The following KLF7 variants were observed in gnomAD, a reference collection of about 807,000 sequenced individuals.
The protein encoded by KLF7 is Krueppel-like factor 7.
Under a neutral mutation model 27.3 loss-of-function variants are expected in KLF7, and 2 were observed. That is an observed-to-expected ratio of 0.07 (90% CI 0.03 to 0.23). The LOEUF (loss-of-function observed/expected upper bound fraction) is 0.23, where lower values mean the gene tolerates loss of function less well. Ranked by LOEUF, KLF7 falls within the 10% of genes least tolerant of loss-of-function variation. KLF7 has a pLI of 1.00. For missense variants in KLF7, 221 were observed against 394.1 expected, an observed-to-expected ratio of 0.56 and a Z score of 3.72; for synonymous variants, 165 against 162.4, an observed-to-expected ratio of 1.02 and a Z score of -0.12.
chr2:207,162,150 T>G (rs2078567975), intron 1 of KLF7, among the ~76,000 whole-genome samples: 1 of 152,196 alleles, frequency 6.6e-6, no homozygotes, highest in African/African-American at 2.4e-5. Flanking sequence ...TCTTTTTATT[T>G]TCCAAGTCAG....
Position 207,074,729 on chromosome 2 carries a change from C to G in KLF7, c.*6484G>C, listed in dbSNP as rs1288274948. The G allele has an allele frequency of 6.6e-6, 1 of 152,226 alleles. No homozygotes were observed. Among genetic ancestry groups the G allele is most frequent in the African/African-American group, 2.4e-5 (1 of 41,430 alleles). 9.4% of individuals were successfully genotyped at this position (152,226 alleles called of 1,614,324 possible). A position where few individuals can be genotyped will look rare whatever the true frequency, so the allele number is the denominator to read the frequency against. On this transcript the variant is annotated 3_prime_UTR_variant, in exon 4 of 4. Transcript: ENST00000309446. ...ATCCCAGAACAAACTGCCTCCTTCT[C>G]TCGCCAAATAAACCGCTTTCAATAA...
In KLF7 at chr2:207,077,366, G is replaced by T. The variant is rs746738145; in HGVS notation, c.*3847C>A. On this transcript the variant is annotated 3_prime_UTR_variant, in exon 4 of 4. Transcript: ENST00000309446. ...TTATAAAATCTTCTCTGAAGCCAGA[G>T]AAGATTTTTTAAAACTAGGATTCAG... The T allele has an allele frequency of 1.2e-4, 18 of 152,136 alleles. No individual in the cohort carries two copies. The highest frequency in any genetic ancestry group is 2.4e-4 in the Non-Finnish European group (16 of 68,020). The allele number at this position is 152,136 out of a possible 1,614,324, so 9.4% of individuals were successfully genotyped here.
At chr2:207,128,306 AT>A (rs374643749) in intron 1 of KLF7, among the ~76,000 whole-genome samples, 4 of 152,330 alleles carry the variant, frequency 2.6e-5, no homozygotes, top group South Asian at 2.1e-4. Flanking sequence ...CCATACTGAT[AT>A]AAATAAATGA....
At chr2:207,133,014 T>C (rs1216663492) in intron 1 of KLF7, among the ~76,000 whole-genome samples, 1 of 152,226 alleles carries the variant, frequency 6.6e-6, no homozygotes, top group Non-Finnish European at 1.5e-5. Flanking sequence ...AGAGAGCCCT[T>C]AAGAAGAATT....
intron 2 of KLF7, among the ~76,000 whole-genome samples, chr2:207,109,484 A>T (rs549271061): frequency 1.3e-5 from 2 of 152,344 alleles, no homozygotes; most frequent in Non-Finnish European, 2.9e-5. Context: ...TGATTCTTTC[A>T]GCCTCAGTTC....
chr2:207,091,421 G>A (rs1464534156), intron 2 of KLF7, among the ~76,000 whole-genome samples: 1 of 152,114 alleles, frequency 6.6e-6, no homozygotes, highest in East Asian at 1.9e-4. Flanking sequence ...ACCTGACATT[G>A]TTTCCTGCTT....
chr2:207,107,032 A>T (rs186527629), intron 2 of KLF7, among the ~76,000 whole-genome samples: 61 of 152,212 alleles, frequency 4.0e-4, no homozygotes, highest in Admixed American at 4.0e-3. Context: ...ATCACCACCT[A>T]CCTTGTAAGG....
Position 207,102,125 on chromosome 2 carries a change from T to TACACACAC in KLF7, c.734-13545_734-13544insGTGTGTGT, listed in dbSNP as rs1553522202. Reference sequence around the variant, plus strand: ...ACCACCCGTGAAAGCTACATTCACATTCACACACACACACACACACACACA... The same window carrying TACACACAC: ...ACCACCCGTGAAAGCTACATTCACATACACACACTCACACACACACACACACACACACA... On this transcript the variant is annotated intron_variant, in intron 2 of 3. Coordinates refer to ENST00000309446, the MANE Select transcript of KLF7 (RefSeq NM_003709.4). Among the ~76,000 whole-genome samples the TACACACAC allele has an allele frequency of 7.2e-3, 871 of 121,300 alleles. 6 individuals carry two copies. Among genetic ancestry groups the TACACACAC allele is most frequent in the Middle Eastern group, 0.039 (8 of 204 alleles). The allele number at this position is 121,300 out of a possible 152,430, so 79.6% of individuals were successfully genotyped here.
In KLF7 at chr2:207,080,935, C is replaced by T. The variant is rs898412303; in HGVS notation, c.*278G>A. The T allele has an allele frequency of 2.5e-5, 11 of 436,630 alleles. No individual in the cohort carries two copies. The Admixed American group carries it at 3.9e-4, about 16-fold the overall frequency. The allele number at this position is 436,630 out of a possible 1,614,324, so 27.0% of individuals were successfully genotyped here. On this transcript the variant is annotated 3_prime_UTR_variant, in exon 4 of 4. Coordinates refer to ENST00000309446, the MANE Select transcript of KLF7 (RefSeq NM_003709.4). ...AGCAGCCAGTCTGCCTTGCTGAGTTCACCTGGTTTCCTTCTTCATCTTCTT... is the reference window on the plus strand; with the variant it reads ...AGCAGCCAGTCTGCCTTGCTGAGTTTACCTGGTTTCCTTCTTCATCTTCTT...
chr2:207,135,673 T>A (rs1490551584), intron 1 of KLF7, among the ~76,000 whole-genome samples: 1 of 152,220 alleles, frequency 6.6e-6, no homozygotes, highest in Non-Finnish European at 1.5e-5. Context: ...AAGAGTATCA[T>A]GAAAGCCAGA....
intron 1 of KLF7, among the ~76,000 whole-genome samples, chr2:207,142,903 G>A (rs1038999000): frequency 2.0e-5 from 3 of 152,172 alleles, no homozygotes; most frequent in African/African-American, 2.4e-5. Context: ...CTTTGCCAAC[G>A]CACTTCTAAA....
In KLF7 at chr2:207,075,585, C is replaced by G. The variant is rs2076161182; in HGVS notation, c.*5628G>C. The G allele has an allele frequency of 6.7e-6, 1 of 150,158 alleles. No individual in the cohort carries two copies. The highest frequency in any genetic ancestry group is 2.5e-5 in the African/African-American group (1 of 40,580). 9.3% of individuals were successfully genotyped at this position (150,158 alleles called of 1,614,324 possible). A position where few individuals can be genotyped will look rare whatever the true frequency, so the allele number is the denominator to read the frequency against. Reference sequence around the variant, plus strand: ...TGCAAAAATAAATTTATTCAAGCAACTGTTAAGAGGATAATAGAGATTTGA... The same window carrying G: ...TGCAAAAATAAATTTATTCAAGCAAGTGTTAAGAGGATAATAGAGATTTGA... On this transcript the variant is annotated 3_prime_UTR_variant, in exon 4 of 4. Coordinates refer to ENST00000309446, the MANE Select transcript of KLF7 (RefSeq NM_003709.4).
chr2:207,094,736 T>C (rs2076585830), intron 2 of KLF7, among the ~76,000 whole-genome samples: 2 of 152,242 alleles, frequency 1.3e-5, no homozygotes, highest in African/African-American at 4.8e-5. Context: ...GCTAAGTCAC[T>C]GTATCTGCTT....
chr2:207,146,734 A>G (rs373164165), intron 1 of KLF7, among the ~76,000 whole-genome samples: 35 of 152,310 alleles, frequency 2.3e-4, no homozygotes, highest in Middle Eastern at 6.8e-3. Flanking sequence ...AGAAGAAAAA[A>G]AAACCAGAAA....
At chr2:207,166,028 C>T (rs1174366788), upstream of KLF7, 5 of 344,022 alleles carry the variant, frequency 1.5e-5, no homozygotes, top group African/African-American at 1.6e-4. Context: ...CCCCCCCCTT[C>T]CCTTCCCTCC....
intron 1 of KLF7, among the ~76,000 whole-genome samples, chr2:207,146,961 G>A (rs1004892710): frequency 6.6e-6 from 1 of 152,178 alleles, no homozygotes; most frequent in Non-Finnish European, 1.5e-5. Context: ...TCAGCCCATG[G>A]GCTAGAAGGG....
intron 2 of KLF7, among the ~76,000 whole-genome samples, chr2:207,120,192 T>A (rs2077299844): frequency 6.6e-6 from 1 of 152,028 alleles, no homozygotes; most frequent in Non-Finnish European, 1.5e-5. Context: ...AAATAAAAAA[T>A]CACCTCATTG....
intron 1 of KLF7, among the ~76,000 whole-genome samples, chr2:207,134,732 A>G (rs2077737681): frequency 6.6e-6 from 1 of 152,230 alleles, no homozygotes; most frequent in Non-Finnish European, 1.5e-5. Flanking sequence ...CAGGGACCCA[A>G]GCATTGGCCC....
chr2:207,082,264 G>C (rs2076290039), intron 3 of KLF7, among the ~76,000 whole-genome samples: 1 of 152,152 alleles, frequency 6.6e-6, no homozygotes, highest in South Asian at 2.1e-4. Context: ...AACCAGCCCT[G>C]GGACATCTGC....
Sources: allele counts gnomAD v4.1 joint callset (sites outside exome capture counted in the v4.1 genomes callset), GRCh38; gene constraint gnomAD v4.1.1; transcripts MANE v1.5; gene names NCBI Gene and HGNC (gene_info 2026-07-23, HGNC 2026-07-21).